Variants in CYP2R1 observed in about 807,000 individuals in gnomAD.
CYP2R1 encodes vitamin D 25-hydroxylase.
In CYP2R1, 40 loss-of-function variants were observed where a neutral mutation model predicts 45.7. The ratio of observed to expected loss-of-function variants is 0.87; its 90% CI spans 0.68 to 1.14. CYP2R1 has a LOEUF of 1.14. Among genes scored for constraint, CYP2R1 ranks in the 50% most tolerant of loss-of-function variants. CYP2R1 has a pLI of 0.00. For missense variants in CYP2R1, 605 were observed against 602.6 expected (o/e 1.00, Z -0.04); for synonymous variants, 234 against 219.3 (o/e 1.07, Z -0.59).
chr11:14,878,856 C>A (rs577567503), intron 4 of CYP2R1, among the ~76,000 whole-genome samples: 1 of 152,140 alleles, frequency 6.6e-6, no homozygotes, highest in African/African-American at 2.4e-5. Flanking sequence ...TCTCATTCCA[C>A]AAGTTTTGAA....
chr11:14,886,039 C>G lies in CYP2R1; in HGVS notation c.226-122G>C, dbSNP rs1287460426. On this transcript the variant is annotated intron_variant, in intron 1 of 4. Coordinates refer to ENST00000334636, the MANE Select transcript of CYP2R1 (RefSeq NM_024514.5). ...TTTGTTACGTCCCTGAAAATATAGG[C>G]AGTTATTACTCAACTGACAATGTTC... 1.9e-5 allele frequency: 17 copies of G among 912,176 alleles called. 1 individual carries two copies. In the East Asian group the frequency reaches 4.2e-4, roughly 22 times the overall value. 56.5% of individuals were successfully genotyped at this position (912,176 alleles called of 1,614,324 possible).
rs1555010892 is a variant in CYP2R1 at position 14,879,266 on chromosome 11, G to A, written c.1178C>T (p.Ser393Phe). Reference sequence around the variant, plus strand: ...AATTACTGTTGTGCCTTTAGGAATGGAATAACCACGTACAACTGCATCTTC... The same window carrying A: ...AATTACTGTTGTGCCTTTAGGAATGAAATAACCACGTACAACTGCATCTTC... ...TSEDAVVRGY[S>F]IPKGTTVITN... The change falls in exon 4 of 5, where the codon TCC becomes TTC. Residue 393 changes from serine to phenylalanine, a missense_variant. Coordinates refer to ENST00000334636, the MANE Select transcript of CYP2R1 (RefSeq NM_024514.5). 3 of 1,613,228 alleles carry A rather than the reference G, an allele frequency of 1.9e-6. No homozygotes were observed. Among genetic ancestry groups the A allele is most frequent in the Admixed American group, 3.3e-5 (2 of 59,826 alleles).
At position 14,885,779 on chromosome 11, in the gene CYP2R1, C is replaced by T. The variant is rs782730969; in HGVS notation, c.364G>A (p.Gly122Arg). ...LPLFMKMTKM[G>R]GLLNSRYGRG... is the part of the protein sequence containing the mutation. ...AAATAGGTGCAAATAAACATACCTC[C>T]CATTTTTGTCATCTTCATGAATAAA... is the stretch of plus-strand genomic sequence containing the variant. The change falls in exon 2 of 5, where the codon GGA becomes AGA. Residue 122 changes from glycine to arginine, a missense_variant. By Grantham distance (125) the Gly-to-Arg change is moderately radical. Transcript: ENST00000334636. 2 of 1,612,218 alleles carry T rather than the reference C, an allele frequency of 1.2e-6. No homozygotes were observed. The highest frequency in any genetic ancestry group is 1.7e-6 in the Non-Finnish European group (2 of 1,179,608).
intron 2 of CYP2R1, among the ~76,000 whole-genome samples, chr11:14,882,990 C>G (rs1415051638): frequency 6.6e-6 from 1 of 152,094 alleles, no homozygotes; most frequent in Non-Finnish European, 1.5e-5. Flanking sequence ...TGTGAAGGAC[C>G]TCTTCAAGGA....
chr11:14,884,838 G>A (rs1228309460), intron 2 of CYP2R1, among the ~76,000 whole-genome samples: 1 of 151,862 alleles, frequency 6.6e-6, no homozygotes, highest in Non-Finnish European at 1.5e-5. Flanking sequence ...AAATATTACT[G>A]TGATTGCATC....
At chr11:14,887,912 A>C (rs1242841601) in intron 1 of CYP2R1, among the ~76,000 whole-genome samples, 7 of 152,180 alleles carry the variant, frequency 4.6e-5, no homozygotes, top group African/African-American at 1.7e-4. Context: ...CCCTTATAAC[A>C]ACAACCTCCT....
rs1405310937 is a variant in CYP2R1 at position 14,878,217 on chromosome 11, A to G, written c.1411T>C (p.Leu471=). The change falls in exon 5 of 5, where the codon TTG becomes CTG. Residue 471 remains leucine, a synonymous_variant. Coordinates refer to ENST00000334636, the MANE Select transcript of CYP2R1 (RefSeq NM_024514.5). ...FFTALLQRFH[L]HFPHELVPDL... Reference sequence around the variant, plus strand: ...GGAACTAGTTCATGTGGAAAATGCAAATGAAACCTCTGAAGCAATGCTGTA... The same window carrying G: ...GGAACTAGTTCATGTGGAAAATGCAGATGAAACCTCTGAAGCAATGCTGTA... 6 of 1,613,184 alleles carry G rather than the reference A, an allele frequency of 3.7e-6. No homozygotes were observed. In the African/African-American group the frequency reaches 4.0e-5, roughly 11 times the overall value.
chr11:14,891,167 C>A, intron 1 of CYP2R1: 1 of 985,426 alleles, frequency 1.0e-6, no homozygotes, highest in Non-Finnish European at 1.2e-6. Context: ...AAGCGGTGGT[C>A]GCCTTTTCCG....
At chr11:14,883,410 C>G (rs1848472359) in intron 2 of CYP2R1, among the ~76,000 whole-genome samples, 1 of 152,102 alleles carries the variant, frequency 6.6e-6, no homozygotes, top group African/African-American at 2.4e-5. Context: ...CTTTGACGAA[C>G]CTGAGAAAAA....
chr11:14,887,529 T>TTA, intron 1 of CYP2R1: 1 of 892,052 alleles, frequency 1.1e-6, no homozygotes, highest in South Asian at 5.2e-5. Flanking sequence ...CAAGATTAGC[T>TTA]TATATATTCT....
Position 14,880,692 on chromosome 11 carries a change from T to A in CYP2R1, c.444A>T (p.Gly148=). 1 of 1,596,008 alleles carries A rather than the reference T, an allele frequency of 6.3e-7. No individual in the cohort carries two copies. The highest frequency in any genetic ancestry group is 8.5e-7 in the Non-Finnish European group (1 of 1,174,566). ...TAGATTCAAAAGACTTTTGGCCATA[T>A]CCAAAATATCGAAAACTGTTTACAG... The part of the protein sequence containing the change: ...RLAVNSFRYF[G]YGQKSFESKI... The change falls in exon 3 of 5, where the codon GGA becomes GGT. Residue 148 remains glycine, a synonymous_variant. Coordinates refer to ENST00000334636, the MANE Select transcript of CYP2R1 (RefSeq NM_024514.5).
In CYP2R1 at chr11:14,885,822, T is replaced by C; in HGVS notation, c.321A>G (p.Ala107=). The change falls in exon 2 of 5, where the codon GCA becomes GCG. Residue 107 remains alanine, a synonymous_variant. Transcript: ENST00000334636. ...TGAATAAAGGAAGGCATGGTCTGTC[T>C]GCAAAAATTTCGCTTTGATGAACAA... is the stretch of plus-strand genomic sequence containing the variant. ...ECLVHQSEIF[A]DRPCLPLFMK... is the part of the protein sequence containing the mutation. The C allele has an allele frequency of 6.2e-7, 1 of 1,613,506 alleles. No homozygotes were observed. Among genetic ancestry groups the C allele is most frequent in the Non-Finnish European group, 8.5e-7 (1 of 1,179,794 alleles).
intron 3 of CYP2R1, 102 bp from the exon 4 acceptor site, chr11:14,879,545 T>C (rs1555011169): frequency 2.4e-6 from 2 of 839,752 alleles, no homozygotes; most frequent in East Asian, 2.6e-5. Flanking sequence ...AACAAGCCAA[T>C]AGGATATAGA....
intron 1 of CYP2R1, chr11:14,891,466 G>A (rs1018434738): frequency 6.1e-6 from 6 of 986,538 alleles, no homozygotes; most frequent in Non-Finnish European, 7.2e-6. Flanking sequence ...GCGTTCCCCT[G>A]CATTCTCCAT....
At chr11:14,880,056 T>C in intron 3 of CYP2R1, 80 bp downstream of exon 3, 2 of 1,437,160 alleles carry the variant, frequency 1.4e-6, no homozygotes, top group African/African-American at 1.4e-5. Context: ...AGAAAATGTA[T>C]TGTGCATGGC....
intron 2 of CYP2R1, among the ~76,000 whole-genome samples, chr11:14,885,277 T>C (rs1848570898): frequency 6.6e-6 from 1 of 152,210 alleles, no homozygotes; most frequent in Non-Finnish European, 1.5e-5. Context: ...TTGTTGAATA[T>C]GGAATCCCCA....
At chr11:14,887,741 G>C in intron 1 of CYP2R1, 1 of 579,494 alleles carries the variant, frequency 1.7e-6, no homozygotes, top group Non-Finnish European at 2.2e-6. Context: ...TCAAGTGGTT[G>C]AGGCCCAGGA....
Position 14,892,202 on chromosome 11 carries a change from A to G in CYP2R1, c.4T>C (p.Trp2Arg), listed in dbSNP as rs199997444. 2.2e-4 allele frequency: 355 copies of G among 1,609,748 alleles called. 1 individual carries two copies. In the African/African-American group the frequency reaches 4.3e-3, roughly 20 times the overall value. The change falls in exon 1 of 5, where the codon TGG becomes CGG. Residue 2 changes from tryptophan (W) to arginine (R), a missense_variant. Trp to Arg is a moderately radical substitution (Grantham distance 101, BLOSUM62 -3). Transcript: ENST00000334636. ...CCCTCTTCAGCTCTCCAAAGCTTCC[A>G]CATCGGCCCGAGCTGGAGGTGCGAA... Reference protein sequence around the residue: MWKLWRAEEGAA... With the variant: MRKLWRAEEGAA...
intron 1 of CYP2R1, 66 bp downstream of exon 1, chr11:14,891,915 G>C: frequency 6.4e-7 from 1 of 1,560,680 alleles, no homozygotes; most frequent in Admixed American, 1.8e-5. Flanking sequence ...AGTCCAACCA[G>C]GAAGGCCCTG....
Sources: gnomAD v4.1 joint callset for allele counts (sites outside exome capture counted in the v4.1 genomes callset) on GRCh38, gnomAD v4.1.1 for gene constraint, MANE v1.5 for transcripts, NCBI Gene and HGNC (gene_info 2026-07-23, HGNC 2026-07-21) for gene names.